FNIP2: variants seen among roughly 807,000 people sequenced by gnomAD.
FNIP2 encodes folliculin-interacting protein 2.
Under a neutral mutation model 108.7 loss-of-function variants are expected in FNIP2, and 32 were observed. That is an observed-to-expected ratio of 0.29 (90% CI 0.22 to 0.40). FNIP2 has a LOEUF of 0.40. Among genes scored for constraint, FNIP2 ranks in the 10% least tolerant of loss-of-function variants. FNIP2 has a pLI of 1.00. For missense variants in FNIP2, 1,202 were observed against 1,381.6 expected (o/e 0.87, Z 2.06); for synonymous variants, 480 against 496.7 (o/e 0.97, Z 0.45).
intron 1 of FNIP2, among the ~76,000 whole-genome samples, chr4:158,799,210 T>C (rs1160175238): frequency 6.6e-6 from 1 of 152,246 alleles, no homozygotes; most frequent in African/African-American, 2.4e-5. Flanking sequence ...CAGCTCTGCA[T>C]TGCCTGCTGA....
intron 12 of FNIP2, among the ~76,000 whole-genome samples, chr4:158,863,463 TC>T (rs1034463040): frequency 1.3e-5 from 2 of 152,114 alleles, no homozygotes; most frequent in African/African-American, 4.8e-5. Flanking sequence ...CACTGTGCGT[TC>T]CCCCTCCATG....
chr4:158,769,960 G>A lies in FNIP2; in HGVS notation c.107+641G>A, dbSNP rs546253299. 2.2e-4 allele frequency among the ~76,000 whole-genome samples: 33 copies of A among 152,230 alleles called. No individual in the cohort carries two copies. In the South Asian group the frequency reaches 6.2e-3, roughly 29 times the overall value. On this transcript the variant is annotated intron_variant, in intron 1 of 16. Coordinates refer to ENST00000264433, the MANE Select transcript of FNIP2 (RefSeq NM_020840.3). Reference sequence around the variant, plus strand: ...GTATATTTAATAGATTTGATCTCTCGAACACATACCTTTGAATATTGATAG... The same window carrying A: ...GTATATTTAATAGATTTGATCTCTCAAACACATACCTTTGAATATTGATAG...
intron 1 of FNIP2, among the ~76,000 whole-genome samples, chr4:158,803,241 C>T (rs1160845345): frequency 6.6e-6 from 1 of 152,186 alleles, no homozygotes; most frequent in Non-Finnish European, 1.5e-5. Flanking sequence ...AAATAGATAA[C>T]TTGGCCATGT....
intron 7 of FNIP2, among the ~76,000 whole-genome samples, chr4:158,846,912 A>T (rs1222675309): frequency 1.3e-5 from 2 of 152,198 alleles, no homozygotes; most frequent in African/African-American, 4.8e-5. Flanking sequence ...ACAGTCTTGA[A>T]TTGCCAGCGC....
intron 1 of FNIP2, among the ~76,000 whole-genome samples, chr4:158,779,797 A>G (rs1399240785): frequency 1.4e-5 from 2 of 146,552 alleles, no homozygotes; most frequent in African/African-American, 5.1e-5. Context: ...TGCCCAGCGT[A>G]GTCTTGAACT....
At chr4:158,900,145 T>C (rs1729064833) in intron 16 of FNIP2, among the ~76,000 whole-genome samples, 1 of 152,200 alleles carries the variant, frequency 6.6e-6, no homozygotes, top group South Asian at 2.1e-4. Context: ...TTCCATGTAG[T>C]TGTGTGGTTT....
chr4:158,846,302 C>T (rs943754725), intron 7 of FNIP2, among the ~76,000 whole-genome samples: 14 of 152,022 alleles, frequency 9.2e-5, no homozygotes, highest in African/African-American at 3.4e-4. Context: ...GTGCAATATA[C>T]TCTGTTTTCT....
Position 158,878,536 on chromosome 4 carries a change from A to G in FNIP2, c.2949+8067A>G, listed in dbSNP as rs116103743. 2.5e-3 allele frequency among the ~76,000 whole-genome samples: 380 copies of G among 152,350 alleles called. 4 individuals carry two copies. Among genetic ancestry groups the G allele is most frequent in the African/African-American group, 8.6e-3 (357 of 41,574 alleles). The stretch of plus-strand genomic sequence containing the variant: ...CTACCCAAGAAATAAACATAAAACC[A>G]GAAGCATAGAAACCTTTAGGACTCT... On this transcript the variant is annotated intron_variant, in intron 14 of 16. Coordinates refer to ENST00000264433, the MANE Select transcript of FNIP2 (RefSeq NM_020840.3).
intron 1 of FNIP2, among the ~76,000 whole-genome samples, chr4:158,778,237 C>A (rs1292237295): frequency 6.6e-6 from 1 of 152,164 alleles, no homozygotes. Flanking sequence ...CATATGCAGC[C>A]AAGCACACTA....
chr4:158,838,629 A>C (rs901539960), intron 7 of FNIP2, among the ~76,000 whole-genome samples: 1 of 152,234 alleles, frequency 6.6e-6, no homozygotes, highest in African/African-American at 2.4e-5. Flanking sequence ...TTGAGAAGGT[A>C]GTACAAGAGT....
At chr4:158,814,115 A>C (rs1386793007) in intron 1 of FNIP2, among the ~76,000 whole-genome samples, 2 of 151,588 alleles carry the variant, frequency 1.3e-5, no homozygotes, top group East Asian at 3.9e-4. Flanking sequence ...TCTTCTTTTA[A>C]GAGATGGAGC....
In FNIP2 at chr4:158,829,105, A is replaced by G. The variant is rs755924678; in HGVS notation, c.261A>G (p.Ile87Met). ...AAACAGAGGATGTTCCTATTAAAAT[A>G]TCAGCCAAGTGCTGCCAGGGAAGCA... ...AQKTEDVPIK[I>M]SAKCCQGSSS... Residue 87 changes from isoleucine (I) to methionine (M), a missense_variant, in exon 3 of 17, where the codon ATA (isoleucine) becomes ATG (methionine). Ile to Met is a conservative substitution (Grantham distance 10). This residue lies in a region of FNIP2 where 173 missense variants were observed against 165.9 expected (regional missense o/e 1.04). Transcript: ENST00000264433. The G allele has an allele frequency of 2.5e-6, 4 of 1,611,248 alleles. No homozygotes were observed. The highest frequency in any genetic ancestry group is 2.2e-5 in the East Asian group (1 of 44,822).
chr4:158,883,949 C>CTT (rs33942642), intron 14 of FNIP2, among the ~76,000 whole-genome samples: 20 of 88,990 alleles, frequency 2.2e-4, no homozygotes, highest in Middle Eastern at 5.6e-3. Context: ...TTAATAAGCT[C>CTT]TTTTTTTTTT....
rs1258098353 is a variant in FNIP2 at position 158,833,614 on chromosome 4, C to T, written c.641C>T (p.Thr214Ile). Residue 214 changes from threonine (T) to isoleucine (I), a missense_variant, in exon 6 of 17, where the codon ACT becomes ATT. Physicochemically the swap from Thr to Ile is moderately conservative, Grantham distance 89. This residue lies in a region of FNIP2 where 878 missense variants were observed against 990.3 expected (regional missense o/e 0.89). Coordinates refer to ENST00000264433, the MANE Select transcript of FNIP2 (RefSeq NM_020840.3). ...CAAAATAGTTTGGGTCCTTGTCGTA[C>T]TGGAAGTAACCTAGGTAAAATCAGA... ...TNQNSLGPCR[T>I]GSNLAHSTPV... 23 of 1,611,864 alleles carry T rather than the reference C, an allele frequency of 1.4e-5. No homozygotes were observed. Among genetic ancestry groups the T allele is most frequent in the Non-Finnish European group, 2.0e-5 (23 of 1,178,192 alleles).
Position 158,806,506 on chromosome 4 carries a change from C to G in FNIP2, c.108-19410C>G, listed in dbSNP as rs1204294131. 6 of 1,009,198 alleles carry G rather than the reference C, an allele frequency of 5.9e-6. No homozygotes were observed. In the African/African-American group the frequency reaches 8.4e-5, roughly 14 times the overall value. The allele number at this position is 1,009,198 out of a possible 1,614,324, so 62.5% of individuals were successfully genotyped here. A position where few individuals can be genotyped will look rare whatever the true frequency, so the allele number is the denominator to read the frequency against. ...AGTAAGGAGATGGAATTGTATTGAT[C>G]TGAAAGTTGTTGTTTCTCATAAGTG... On this transcript the variant is annotated intron_variant, in intron 1 of 16. Transcript: ENST00000264433.
intron 1 of FNIP2, among the ~76,000 whole-genome samples, chr4:158,817,953 G>C (rs1273971086): frequency 6.6e-6 from 1 of 152,244 alleles, no homozygotes; most frequent in Non-Finnish European, 1.5e-5. Flanking sequence ...GACATCCCGT[G>C]CAGTGCTCCG....
At chr4:158,848,410 G>A (rs1029449690) in intron 7 of FNIP2, among the ~76,000 whole-genome samples, 2 of 152,220 alleles carry the variant, frequency 1.3e-5, no homozygotes, top group Non-Finnish European at 2.9e-5. Context: ...CACAGTGTCA[G>A]CTGGCTTGTT....
chr4:158,801,436 C>T (rs1414199110), intron 1 of FNIP2, among the ~76,000 whole-genome samples: 1 of 152,210 alleles, frequency 6.6e-6, no homozygotes, highest in Non-Finnish European at 1.5e-5. Context: ...TTGCCTCCTC[C>T]TTAGCCCCTT....
At chr4:158,800,011 GC>G (rs948816720) in intron 1 of FNIP2, among the ~76,000 whole-genome samples, 1 of 152,090 alleles carries the variant, frequency 6.6e-6, no homozygotes, top group African/African-American at 2.4e-5. Flanking sequence ...GAGTTACACT[GC>G]CGGCCTGACC....
Sources: allele counts gnomAD v4.1 joint callset (sites outside exome capture counted in the v4.1 genomes callset), GRCh38; gene constraint gnomAD v4.1.1; regional missense constraint gnomAD v4.1.1; transcripts MANE v1.5; gene names NCBI Gene and HGNC (gene_info 2026-07-23, HGNC 2026-07-21).